COL24A1: variants seen among roughly 807,000 people sequenced by gnomAD.
COL24A1 encodes collagen type XXIV alpha 1 chain.
A neutral mutation model predicts 253.9 loss-of-function variants in COL24A1; 224 were observed. That is an observed-to-expected ratio of 0.88 (90% CI 0.79 to 0.99). The LOEUF (loss-of-function observed/expected upper bound fraction) is 0.99. Ranked by LOEUF, COL24A1 falls within the 50% of genes least tolerant of loss-of-function variation. The pLI is 0.00. For synonymous variants in COL24A1, 685 were observed against 673.7 expected, an observed-to-expected ratio of 1.02 and a Z score of -0.26; for missense variants, 2,131 against 2,068.5, an observed-to-expected ratio of 1.03 and a Z score of -0.59.
chr1:86,045,901 G>T (rs1220270145), intron 12 of COL24A1: 1 of 428,608 alleles, frequency 2.3e-6, no homozygotes, highest in Admixed American at 2.5e-5. Context: ...AGAAGACAGA[G>T]CAGAAATATC....
intron 19 of COL24A1, among the ~76,000 whole-genome samples, chr1:86,008,809 A>C (rs1285206923): frequency 1.3e-5 from 2 of 152,154 alleles, no homozygotes; most frequent in Admixed American, 1.3e-4. Flanking sequence ...TATAAAATTA[A>C]CATTGAAAAA....
chr1:85,735,043 T>C (rs1374088822), intron 58 of COL24A1, 79 bp from the exon 59 acceptor site: 1 of 1,371,288 alleles, frequency 7.3e-7, no homozygotes, highest in African/African-American at 1.4e-5. Context: ...TGAGGAAAAG[T>C]CCTTCAAAGG....
At chr1:85,759,217 T>C (rs1666588919) in intron 55 of COL24A1, among the ~76,000 whole-genome samples, 1 of 152,228 alleles carries the variant, frequency 6.6e-6, no homozygotes, top group Non-Finnish European at 1.5e-5. Context: ...TCCTGAGATG[T>C]TGCCTTTTTT....
intron 19 of COL24A1, among the ~76,000 whole-genome samples, chr1:85,993,461 T>G (rs1694489685): frequency 6.7e-6 from 1 of 148,812 alleles, no homozygotes; most frequent in African/African-American, 2.5e-5. Flanking sequence ...AAAGAGTACA[T>G]ACTATGTGAG....
chr1:85,792,282 C>T (rs916777476), intron 47 of COL24A1, among the ~76,000 whole-genome samples: 2 of 151,862 alleles, frequency 1.3e-5, no homozygotes, highest in African/African-American at 4.8e-5. Flanking sequence ...ATGTATTCAA[C>T]AAATATTTAT....
At chr1:85,873,391 A>G (rs1222642656) in intron 35 of COL24A1, among the ~76,000 whole-genome samples, 1 of 152,220 alleles carries the variant, frequency 6.6e-6, no homozygotes, top group Non-Finnish European at 1.5e-5. Flanking sequence ...ATGCACATGT[A>G]TGTTTATTGT....
rs1287541860 is a variant in COL24A1, at chr1:85,842,117, T to A, written c.3521A>T (p.His1174Leu). 1 of 1,613,558 alleles carries A rather than the reference T, an allele frequency of 6.2e-7. No individual in the cohort carries two copies. The highest frequency in any genetic ancestry group is 8.5e-7 in the Non-Finnish European group (1 of 1,179,666). The change falls in exon 41 of 60, where the codon CAT (histidine) becomes CTT (leucine). Residue 1174 changes from histidine to leucine, a missense_variant. Physicochemically the swap from His to Leu is moderately conservative, Grantham distance 99. Coordinates refer to ENST00000370571, the MANE Select transcript of COL24A1 (RefSeq NM_152890.7). Reference protein sequence around the residue: ...GEPGIPGYRGHQGQPGPSGLP... With the variant: ...GEPGIPGYRGLQGQPGPSGLP... ...TCCAGAGGGTCCTGGTTGGCCCTGA[T>A]GGCCCTACGAAAGGACAAGTAGACA...
chr1:85,992,705 C>T (rs1694404905), intron 19 of COL24A1, among the ~76,000 whole-genome samples: 1 of 152,132 alleles, frequency 6.6e-6, no homozygotes, highest in South Asian at 2.1e-4. Flanking sequence ...GATAAAGATG[C>T]TCTAATTCAT....
At chr1:85,948,486 T>C (rs1689554066) in intron 24 of COL24A1, among the ~76,000 whole-genome samples, 1 of 124,230 alleles carries the variant, frequency 8.0e-6, no homozygotes, top group African/African-American at 3.1e-5. Context: ...ATCGCGCCAC[T>C]GCACTCCAGC....
At position 86,110,864 on chromosome 1, in the gene COL24A1, C is replaced by CA. The variant is rs1705508923; in HGVS notation, c.1599+1702dup. ...GGCTGCCGCGCGGCCCAAGCCTCCC[C>CA]AGTGGGGGCTCCACCTCCTTCTCCG... On this transcript the variant is annotated intron_variant, in intron 5 of 59. Coordinates refer to ENST00000370571, the MANE Select transcript of COL24A1 (RefSeq NM_152890.7). Among the ~76,000 whole-genome samples the CA allele has an allele frequency of 2.6e-5, 4 of 152,268 alleles. No homozygotes were observed. The South Asian group carries it at 8.3e-4, about 32-fold the overall frequency.
At chr1:85,907,327 A>T in intron 27 of COL24A1, 80 bp from the exon 28 acceptor site, 3 of 1,172,518 alleles carry the variant, frequency 2.6e-6, no homozygotes, top group Non-Finnish European at 3.8e-6. Context: ...TTCTTATAAC[A>T]TATATCCTTC....
At chr1:85,820,864 G>A (rs528743507) in intron 45 of COL24A1, among the ~76,000 whole-genome samples, 26 of 152,266 alleles carry the variant, frequency 1.7e-4, no homozygotes, top group African/African-American at 6.3e-4. Context: ...AGAGAAAGCA[G>A]TCTGATTCTT....
chr1:85,734,437 ATCTG>A (rs1308740305), intron 59 of COL24A1, among the ~76,000 whole-genome samples: 1 of 152,192 alleles, frequency 6.6e-6, no homozygotes, highest in African/African-American at 2.4e-5. Flanking sequence ...TCATTTATCT[ATCTG>A]TCTATCTATC....
intron 28 of COL24A1, among the ~76,000 whole-genome samples, chr1:85,900,922 G>C (rs1236057041): frequency 1.3e-5 from 2 of 152,028 alleles, no homozygotes; most frequent in African/African-American, 2.4e-5. Context: ...ATGTATTAAA[G>C]ACTTAAATAT....
chr1:85,736,239 T>C (rs897320318), intron 58 of COL24A1: 12 of 452,312 alleles, frequency 2.7e-5, no homozygotes, highest in Non-Finnish European at 4.9e-5. Context: ...CAGTCCCTGA[T>C]TCCAAGTCTA....
chr1:85,756,602 G>T (rs1410558251), intron 55 of COL24A1, among the ~76,000 whole-genome samples: 1 of 152,200 alleles, frequency 6.6e-6, no homozygotes, highest in African/African-American at 2.4e-5. Flanking sequence ...CTGGAATCTT[G>T]TGCACTGCTG....
intron 2 of COL24A1, among the ~76,000 whole-genome samples, chr1:86,138,116 C>T (rs1371734086): frequency 6.6e-6 from 1 of 152,144 alleles, no homozygotes; most frequent in Admixed American, 6.6e-5. Flanking sequence ...ACTGTTCTTT[C>T]TTGGGACGCT....
intron 24 of COL24A1, among the ~76,000 whole-genome samples, chr1:85,926,354 T>A (rs1374836129): frequency 6.6e-6 from 1 of 152,230 alleles, no homozygotes; most frequent in Non-Finnish European, 1.5e-5. Context: ...TAAGTCATGC[T>A]ACTATAAAGA....
intron 24 of COL24A1, 44 bp downstream of exon 24, chr1:85,961,205 A>G (rs1691019610): frequency 7.2e-7 from 1 of 1,396,748 alleles, no homozygotes; most frequent in South Asian, 1.2e-5. Context: ...ATTCCTAAAA[A>G]TGCTTACAGC....
Sources: allele counts gnomAD v4.1 joint callset (sites outside exome capture counted in the v4.1 genomes callset), GRCh38; gene constraint gnomAD v4.1.1; transcripts MANE v1.5; gene names NCBI Gene and HGNC (gene_info 2026-07-23, HGNC 2026-07-21).